Variants in GRIK2 observed in about 807,000 individuals in gnomAD.
The protein encoded by GRIK2 is glutamate receptor ionotropic, kainate 2.
Under a neutral mutation model 100.3 loss-of-function variants are expected in GRIK2, and 32 were observed. The observed-to-expected ratio is 0.32, with a 90% CI of 0.24 to 0.43. The LOEUF (loss-of-function observed/expected upper bound fraction) is 0.43. Among genes scored for constraint, GRIK2 ranks in the 20% least tolerant of loss-of-function variants. The probability of loss-of-function intolerance (pLI) is 1.00; values close to 1 mark genes in which losing one functional copy is unlikely to be tolerated. For synonymous variants in GRIK2, 417 were observed against 389.4 expected (o/e 1.07, Z -0.83); for missense variants, 843 against 1,114.9 (o/e 0.76, Z 3.47).
chr6:101,532,458 A>T (rs969634542), intron 2 of GRIK2, among the ~76,000 whole-genome samples: 1 of 151,902 alleles, frequency 6.6e-6, no homozygotes, highest in African/African-American at 2.4e-5. Flanking sequence ...AGTTATTTTT[A>T]GTCCTGCACC....
rs1259163258 is a variant in GRIK2, at chr6:101,818,367, T to C, written c.1204-3T>C. On this transcript the variant is annotated splice_polypyrimidine_tract_variant and splice_region_variant and intron_variant, in intron 9 of 16. Coordinates refer to ENST00000369134, the MANE Select transcript of GRIK2 (RefSeq NM_021956.5). Reference sequence around the variant, plus strand: ...TTTACAAAGTACATATGCTATTTTATAGATTGGAACGTGGGATCCAGCCAG... The same window carrying C: ...TTTACAAAGTACATATGCTATTTTACAGATTGGAACGTGGGATCCAGCCAG... 1.3e-6 allele frequency: 2 copies of C among 1,551,016 alleles called. No homozygotes were observed. The highest frequency in any genetic ancestry group is 1.8e-6 in the Non-Finnish European group (2 of 1,123,136).
At chr6:101,615,511 T>A (rs925725749) in intron 2 of GRIK2, among the ~76,000 whole-genome samples, 5 of 151,816 alleles carry the variant, frequency 3.3e-5, no homozygotes, top group Non-Finnish European at 5.9e-5. Context: ...AGATGCTTCT[T>A]TAAGATCATA....
intron 2 of GRIK2, among the ~76,000 whole-genome samples, chr6:101,601,416 T>A (rs1440909335): frequency 6.6e-6 from 1 of 151,824 alleles, no homozygotes; most frequent in East Asian, 1.9e-4. Flanking sequence ...GTGTCTCTGC[T>A]AGGTTTTGGT....
chr6:101,537,455 C>T (rs5005691), intron 2 of GRIK2, among the ~76,000 whole-genome samples: 84,390 of 130,088 alleles, frequency 0.65, 24,395 homozygotes, highest in Middle Eastern at 0.71. Flanking sequence ...TGTGTGTGTG[C>T]GTGTGTGTGT....
intron 11 of GRIK2, among the ~76,000 whole-genome samples, chr6:101,865,449 A>G (rs1278040494): frequency 1.3e-5 from 2 of 152,232 alleles, no homozygotes; most frequent in African/African-American, 4.8e-5. Context: ...AAAAGGCTCC[A>G]GGTATTATCA....
intron 7 of GRIK2, among the ~76,000 whole-genome samples, chr6:101,700,284 C>T (rs554956618): frequency 6.6e-6 from 1 of 151,386 alleles, no homozygotes; most frequent in South Asian, 2.1e-4. Context: ...TACAGGACAC[C>T]CCTGCTATAA....
At chr6:101,425,124 A>G (rs1776635150) in intron 2 of GRIK2, among the ~76,000 whole-genome samples, 2 of 152,200 alleles carry the variant, frequency 1.3e-5, no homozygotes, top group African/African-American at 2.4e-5. Context: ...CGCAGTAAAC[A>G]TACATGTGCA....
chr6:101,796,948 A>C (rs1583171233), intron 7 of GRIK2, among the ~76,000 whole-genome samples: 1 of 152,162 alleles, frequency 6.6e-6, no homozygotes, highest in African/African-American at 2.4e-5. Context: ...CTGATCTTGA[A>C]ACTGAAACTA....
rs10528480 is a variant in GRIK2 at position 101,556,321 on chromosome 6, A to ATTTTTTTTTTTTTTTTTTTT, written c.116-65616_116-65597dup. On this transcript the variant is annotated intron_variant, in intron 2 of 16. Coordinates refer to ENST00000369134, the MANE Select transcript of GRIK2 (RefSeq NM_021956.5). ...AATTGCACTATGTAATATATTGGTAATTTTTTTTTTTTTTTTTTTTTTTTT... is the reference window on the plus strand; with the variant it reads ...AATTGCACTATGTAATATATTGGTAATTTTTTTTTTTTTTTTTTTTTTTTTTTTTTTTTTTTTTTTTTTTT... Among the ~76,000 whole-genome samples, 195 of 59,388 alleles carry ATTTTTTTTTTTTTTTTTTTT rather than the reference A, an allele frequency of 3.3e-3. 47 individuals carry two copies. The highest frequency in any genetic ancestry group is 5.1e-3 in the Non-Finnish European group (139 of 27,412). The allele number at this position is 59,388 out of a possible 152,430, so 39.0% of individuals were successfully genotyped here. A position where few individuals can be genotyped will look rare whatever the true frequency, so the allele number is the denominator to read the frequency against.
intron 2 of GRIK2, among the ~76,000 whole-genome samples, chr6:101,458,319 C>G (rs1771117628): frequency 6.6e-6 from 1 of 152,040 alleles, no homozygotes; most frequent in African/African-American, 2.4e-5. Context: ...AGCCATGAAC[C>G]AATCTCTTTT....
At chr6:101,726,321 A>C (rs1193783637) in intron 7 of GRIK2, among the ~76,000 whole-genome samples, 3 of 152,070 alleles carry the variant, frequency 2.0e-5, no homozygotes, top group Non-Finnish European at 4.4e-5. Context: ...AGATTATAGC[A>C]GTGATTTTCC....
intron 11 of GRIK2, among the ~76,000 whole-genome samples, chr6:101,885,788 A>G (rs1786569216): frequency 6.6e-6 from 1 of 152,096 alleles, no homozygotes; most frequent in African/African-American, 2.4e-5. Flanking sequence ...TTACAGATGA[A>G]TTGTGCAGAA....
intron 7 of GRIK2, among the ~76,000 whole-genome samples, chr6:101,706,477 G>A (rs1177913414): frequency 6.6e-6 from 1 of 151,856 alleles, no homozygotes; most frequent in East Asian, 1.9e-4. Flanking sequence ...TATAATAGGT[G>A]TATATATCAT....
chr6:101,728,317 G>A (rs1450018128), intron 7 of GRIK2, among the ~76,000 whole-genome samples: 3 of 151,942 alleles, frequency 2.0e-5, no homozygotes, highest in African/African-American at 7.2e-5. Context: ...TATATACTAT[G>A]TGCTAAATAA....
intron 2 of GRIK2, among the ~76,000 whole-genome samples, chr6:101,606,737 A>C (rs1347464707): frequency 6.6e-6 from 1 of 151,964 alleles, no homozygotes; most frequent in Non-Finnish European, 1.5e-5. Context: ...AAATATATAA[A>C]ATGCAAACAA....
At chr6:102,000,381 G>A (rs928542289) in intron 14 of GRIK2, among the ~76,000 whole-genome samples, 1 of 149,880 alleles carries the variant, frequency 6.7e-6, no homozygotes, top group African/African-American at 2.5e-5. Flanking sequence ...CCTGGGTAGT[G>A]AGCATAGTAC....
intron 14 of GRIK2, among the ~76,000 whole-genome samples, chr6:101,953,196 C>T (rs180714138): frequency 3.2e-4 from 49 of 152,146 alleles, no homozygotes; most frequent in African/African-American, 1.0e-3. Context: ...ATTGCTTCCA[C>T]TTTTTGGATA....
intron 16 of GRIK2, among the ~76,000 whole-genome samples, chr6:102,058,680 A>G (rs745546061): frequency 6.6e-6 from 1 of 151,502 alleles, no homozygotes; most frequent in Admixed American, 6.6e-5. Flanking sequence ...AACATACAGA[A>G]ATTCAGTTTA....
intron 14 of GRIK2, among the ~76,000 whole-genome samples, chr6:101,956,948 A>G (rs1254213220): frequency 6.6e-6 from 1 of 151,456 alleles, no homozygotes; most frequent in Admixed American, 6.6e-5. Flanking sequence ...TAGTGCTGTG[A>G]CAAACATGTA....
Sources: allele counts gnomAD v4.1 joint callset (sites outside exome capture counted in the v4.1 genomes callset), GRCh38; gene constraint gnomAD v4.1.1; transcripts MANE v1.5; gene names NCBI Gene and HGNC (gene_info 2026-07-23, HGNC 2026-07-21).